Variants in SEMA4A observed in about 807,000 individuals in gnomAD.
SEMA4A encodes the protein semaphorin 4A, also known as semaphorin-4A.
Under a neutral mutation model 72.5 loss-of-function variants are expected in SEMA4A, and 52 were observed. The observed-to-expected ratio is 0.72, with a 90% CI of 0.57 to 0.90. SEMA4A has a LOEUF of 0.90. Ranked by LOEUF, SEMA4A falls within the 40% of genes least tolerant of loss-of-function variation. The pLI is 0.00. For missense variants in SEMA4A, 926 were observed against 959.7 expected, an observed-to-expected ratio of 0.96 and a Z score of 0.46; for synonymous variants, 369 against 393.1, an observed-to-expected ratio of 0.94 and a Z score of 0.73.
rs1470111028 is a variant in SEMA4A, at chr1:156,157,742, A to T, written c.301-328A>T. 6.6e-6 allele frequency among the ~76,000 whole-genome samples: 1 copy of T among 152,204 alleles called. No individual in the cohort carries two copies. Among genetic ancestry groups the T allele is most frequent in the Non-Finnish European group, 1.5e-5 (1 of 68,030 alleles). ...TGCCATATATACCATTCATCGTGTTAGGTGTTTTGTATATGCCACCTGGTT... is the reference window on the plus strand; with the variant it reads ...TGCCATATATACCATTCATCGTGTTTGGTGTTTTGTATATGCCACCTGGTT... On this transcript the variant is annotated intron_variant, in intron 3 of 14. Coordinates refer to ENST00000368285, the MANE Select transcript of SEMA4A (RefSeq NM_022367.4). The surrounding 1 kb of genome is among the most constrained non-coding windows in gnomAD (Gnocchi z 4.5).
chr1:156,171,073 CA>C (rs1360825079), intron 10 of SEMA4A, among the ~76,000 whole-genome samples: 3 of 152,000 alleles, frequency 2.0e-5, no homozygotes, highest in African/African-American at 7.3e-5. Flanking sequence ...AAACAACAAA[CA>C]AAAAAACCCT....
chr1:156,177,156 T>A lies in SEMA4A; in HGVS notation c.*159T>A. Reference sequence around the variant, plus strand: ...GCATCACTGATGACACTCAGCAGGGTGATGCACAGCAGTCTGCCTCCCCTA... The same window carrying A: ...GCATCACTGATGACACTCAGCAGGGAGATGCACAGCAGTCTGCCTCCCCTA... On this transcript the variant is annotated 3_prime_UTR_variant, in exon 15 of 15. Transcript: ENST00000368285. 2 of 729,050 alleles carry A rather than the reference T, an allele frequency of 2.7e-6. No individual in the cohort carries two copies. Among genetic ancestry groups the A allele is most frequent in the East Asian group, 2.7e-5 (1 of 37,336 alleles). The allele number at this position is 729,050 out of a possible 1,614,324, so 45.2% of individuals were successfully genotyped here.
chr1:156,155,412 G>A (rs901576394), intron 2 of SEMA4A: 3 of 152,732 alleles, frequency 2.0e-5, no homozygotes, highest in African/African-American at 7.2e-5. Flanking sequence ...GACCTCCTCT[G>A]TGTTGGATGC....
rs775958831 is a variant in SEMA4A at position 156,176,727 on chromosome 1, C to T, written c.2016C>T (p.Ala672=). 17 of 1,613,064 alleles carry T rather than the reference C, an allele frequency of 1.1e-5. No individual in the cohort carries two copies. Among genetic ancestry groups the T allele is most frequent in the South Asian group, 5.5e-5 (5 of 91,048 alleles). Residue 672 remains alanine, a synonymous_variant, in exon 15 of 15, where the codon GCC becomes GCT. Transcript: ENST00000368285. ...KVPLTRVSGG[A]ALAAQQSYWP... is the part of the protein sequence containing the mutation. ...CGTTGACCAGGGTCAGTGGTGGGGC[C>T]GCCCTGGCTGCCCAGCAGTCCTACT...
At chr1:156,175,425 T>C in intron 13 of SEMA4A, 131 bp from the exon 14 acceptor site, 1 of 1,092,894 alleles carries the variant, frequency 9.2e-7, no homozygotes, top group Non-Finnish European at 1.4e-6. Flanking sequence ...CTCTGGCCAT[T>C]CCGCGTTCCT....
intron 10 of SEMA4A, among the ~76,000 whole-genome samples, chr1:156,170,213 C>T (rs1459817399): frequency 1.3e-5 from 2 of 151,928 alleles, no homozygotes; most frequent in Non-Finnish European, 2.9e-5. Flanking sequence ...CCAGTAATCC[C>T]AGAACTTTGG....
rs1338537627 is a variant in SEMA4A at position 156,176,789 on chromosome 1, T to A, written c.2078T>A (p.Leu693Ter). ...HFVTVTVLFA[L>*]VLSGALIILV... Reference sequence around the variant, plus strand: ...GTCACTGTCACTGTCCTCTTTGCCTTAGTGCTTTCAGGAGCCCTCATCATC... The same window carrying A: ...GTCACTGTCACTGTCCTCTTTGCCTAAGTGCTTTCAGGAGCCCTCATCATC... Residue 693 changes from leucine (L) to a stop codon, truncating the protein, a stop_gained, in exon 15 of 15, where the codon TTA becomes TAA. Coordinates refer to ENST00000368285, the MANE Select transcript of SEMA4A (RefSeq NM_022367.4). LOFTEE classifies it high-confidence loss of function. 1 of 1,613,672 alleles carries A rather than the reference T, an allele frequency of 6.2e-7. No individual in the cohort carries two copies. Among genetic ancestry groups the A allele is most frequent in the Non-Finnish European group, 8.5e-7 (1 of 1,179,610 alleles).
In SEMA4A at chr1:156,169,407, C is replaced by CTT. The variant is rs766983966; in HGVS notation, c.1135-3394_1135-3393dup. 9.6e-4 allele frequency among the ~76,000 whole-genome samples: 82 copies of CTT among 85,296 alleles called. 2 individuals carry two copies. The highest frequency in any genetic ancestry group is 1.6e-3 in the South Asian group (4 of 2,506). The allele number at this position is 85,296 out of a possible 152,430, so 56.0% of individuals were successfully genotyped here. On this transcript the variant is annotated intron_variant, in intron 10 of 14. Coordinates refer to ENST00000368285, the MANE Select transcript of SEMA4A (RefSeq NM_022367.4). ...CATCTAGGTTTATGTCTTTTCTTTTCTTTTTTTTTTTTTTTTTTTTTTTTT... is the reference window on the plus strand; with the variant it reads ...CATCTAGGTTTATGTCTTTTCTTTTCTTTTTTTTTTTTTTTTTTTTTTTTTTT...
chr1:156,150,483 C>T (rs1263425722), upstream of SEMA4A, among the ~76,000 whole-genome samples: 1 of 152,038 alleles, frequency 6.6e-6, no homozygotes, highest in Non-Finnish European at 1.5e-5. Flanking sequence ...GCAGGGAAGT[C>T]AGGAGGCAAT....
intron 8 of SEMA4A, 49 bp from the exon 9 acceptor site, chr1:156,161,296 TG>T (rs1174604474): frequency 1.2e-5 from 9 of 729,340 alleles, no homozygotes; most frequent in East Asian, 6.8e-5. Flanking sequence ...CACGCGGGGC[TG>T]GGGGGTCGGG....
rs1231697982 is a variant in SEMA4A at position 156,161,327 on chromosome 1, A to C, written c.811-19A>C. 21 of 1,024,726 alleles carry C rather than the reference A, an allele frequency of 2.0e-5. No homozygotes were observed. Among genetic ancestry groups the C allele is most frequent in the East Asian group, 4.1e-5 (1 of 24,344 alleles). The allele number at this position is 1,024,726 out of a possible 1,614,324, so 63.5% of individuals were successfully genotyped here. The stretch of plus-strand genomic sequence containing the variant: ...GTCGGGGCGCCCGGGGCGCCCCCTG[A>C]CTCCCCCTGTGCCCCCAGAATGACG... On this transcript the variant is annotated intron_variant, in intron 8 of 14. Coordinates refer to ENST00000368285, the MANE Select transcript of SEMA4A (RefSeq NM_022367.4).
Position 156,171,059 on chromosome 1 carries a change from T to TA in SEMA4A, c.1135-1761dup, listed in dbSNP as rs796428792. Among the ~76,000 whole-genome samples the TA allele has an allele frequency of 5.4e-4, 82 of 152,086 alleles. 1 individual carries two copies. The highest frequency in any genetic ancestry group is 1.8e-3 in the African/African-American group (76 of 41,482). ...AAGACCCTGTCTCTATTTGTAAAAA[T>TA]AAAAAACAACAAACAAAAAAACCCT... is the stretch of plus-strand genomic sequence containing the variant. On this transcript the variant is annotated intron_variant, in intron 10 of 14. Transcript: ENST00000368285.
At chr1:156,156,745 C>CTT (rs3055907) in intron 3 of SEMA4A, among the ~76,000 whole-genome samples, 171 bp downstream of exon 3, 2 of 141,104 alleles carry the variant, frequency 1.4e-5, no homozygotes, top group Non-Finnish European at 3.1e-5. Flanking sequence ...CGTGGCCTCA[C>CTT]TTTTTTTTTT....
At chr1:156,154,418 C>T in intron 1 of SEMA4A, 132 bp from the exon 2 acceptor site, 1 of 782,378 alleles carries the variant, frequency 1.3e-6, no homozygotes, top group East Asian at 2.7e-5. Flanking sequence ...GATAGGGAAC[C>T]TTCTCTGCCC....
At chr1:156,152,454 A>T (rs1652615298), upstream of SEMA4A, among the ~76,000 whole-genome samples, 1 of 152,272 alleles carries the variant, frequency 6.6e-6, no homozygotes, top group Non-Finnish European at 1.5e-5. Context: ...CTGGCTTCCC[A>T]AATCTGAGCT....
intron 6 of SEMA4A, among the ~76,000 whole-genome samples, chr1:156,159,227 G>A (rs941599759): frequency 3.3e-5 from 5 of 152,004 alleles, no homozygotes; most frequent in East Asian, 1.9e-4. Context: ...CCAGCTACTC[G>A]GGAGGCTGAG....
In SEMA4A at chr1:156,175,090, C is replaced by T. The variant is rs1036771578; in HGVS notation, c.1439C>T (p.Ala480Val). The change falls in exon 13 of 15, where the codon GCA becomes GTA. Residue 480 changes from alanine to valine, a missense_variant. Physicochemically the swap from Ala to Val is moderately conservative, Grantham distance 64. Coordinates refer to ENST00000368285, the MANE Select transcript of SEMA4A (RefSeq NM_022367.4). ...RNLQLAPTQGAVFVGFSGGVW... is the reference protein window; with the variant it reads ...RNLQLAPTQGVVFVGFSGGVW... Reference sequence around the variant, plus strand: ...CAATCTCCATCTCTCTTCCAGGGTGCAGTGTTTGTAGGCTTCTCAGGAGGT... The same window carrying T: ...CAATCTCCATCTCTCTTCCAGGGTGTAGTGTTTGTAGGCTTCTCAGGAGGT... 7 of 1,614,052 alleles carry T rather than the reference C, an allele frequency of 4.3e-6. No individual in the cohort carries two copies. Among genetic ancestry groups the T allele is most frequent in the African/African-American group, 1.3e-5 (1 of 74,918 alleles).
intron 11 of SEMA4A, among the ~76,000 whole-genome samples, chr1:156,174,421 G>A (rs1461623644): frequency 6.6e-6 from 1 of 152,184 alleles, no homozygotes; most frequent in Non-Finnish European, 1.5e-5. Flanking sequence ...TGTGTGCGGG[G>A]GAATCAGGAA....
chr1:156,161,499 G>A lies in SEMA4A; in HGVS notation c.964G>A (p.Ala322Thr), dbSNP rs1336110547. 6.2e-7 allele frequency: 1 copy of A among 1,613,922 alleles called. No individual in the cohort carries two copies. The highest frequency in any genetic ancestry group is 8.5e-7 in the Non-Finnish European group (1 of 1,179,942). The stretch of plus-strand genomic sequence containing the variant: ...TTCTCCCACAGCTCCCCACATCTAC[G>A]CAGTCTTCACCTCCCAGTGGTGAGC... ...ADSPTAPHIY[A>T]VFTSQWQVGG... The change falls in exon 9 of 15, where the codon GCA (alanine) becomes ACA (threonine). Residue 322 changes from alanine to threonine, a missense_variant. Coordinates refer to ENST00000368285, the MANE Select transcript of SEMA4A (RefSeq NM_022367.4).
Sources: allele counts gnomAD v4.1 joint callset (sites outside exome capture counted in the v4.1 genomes callset), GRCh38; gene constraint gnomAD v4.1.1; non-coding constraint Gnocchi (gnomAD v3.1); transcripts MANE v1.5; gene names NCBI Gene and HGNC (gene_info 2026-07-23, HGNC 2026-07-21).